The following NAV3 variants were observed in gnomAD, a reference collection of about 807,000 sequenced individuals.
NAV3 encodes the protein neuron navigator 3.
In NAV3, 87 loss-of-function variants were observed where a neutral mutation model predicts 244.7. The observed-to-expected ratio is 0.36, with a 90% CI of 0.30 to 0.42. The LOEUF is 0.42. Among genes scored for constraint, NAV3 ranks in the 20% least tolerant of loss-of-function variants. The probability of loss-of-function intolerance (pLI) is 1.00; values close to 1 mark genes in which losing one functional copy is unlikely to be tolerated. For missense variants in NAV3, 2,663 were observed against 2,893.3 expected (o/e 0.92, Z 1.83); for synonymous variants, 1,126 against 1,042.2 (o/e 1.08, Z -1.55).
intron 4 of NAV3, among the ~76,000 whole-genome samples, chr12:77,967,515 C>CAAGA (rs1350102229): frequency 6.6e-6 from 1 of 152,060 alleles, no homozygotes; most frequent in Non-Finnish European, 1.5e-5. Flanking sequence ...CATCAGAGAG[C>CAAGA]AAGAAATCCA....
intron 8 of NAV3, among the ~76,000 whole-genome samples, chr12:78,015,609 T>G (rs1876061058): frequency 6.6e-6 from 1 of 152,102 alleles, no homozygotes; most frequent in Non-Finnish European, 1.5e-5. Flanking sequence ...TGAATTTGAT[T>G]GCCTGATTAA....
At chr12:77,804,686 G>T (rs1871883137) in intron 2 of NAV3, among the ~76,000 whole-genome samples, 2 of 148,118 alleles carry the variant, frequency 1.4e-5, no homozygotes, top group African/African-American at 5.0e-5. Flanking sequence ...AATTTGAAGT[G>T]TTTTTTTTTT....
intron 39 of NAV3, among the ~76,000 whole-genome samples, chr12:78,206,854 C>CTTTTTT (rs10594185): frequency 8.6e-4 from 99 of 114,800 alleles, no homozygotes; most frequent in Non-Finnish European, 1.3e-3. Context: ...TTCTTTCTTA[C>CTTTTTT]TTTTTTTTTT....
intron 1 of NAV3, among the ~76,000 whole-genome samples, chr12:77,924,487 G>A (rs1057274260): frequency 1.1e-4 from 17 of 152,132 alleles, no homozygotes; most frequent in Non-Finnish European, 2.1e-4. Context: ...TCTCTCATGA[G>A]GGGTGGCAGT....
intron 26 of NAV3, among the ~76,000 whole-genome samples, chr12:78,176,895 C>T (rs532825494): frequency 1.3e-5 from 2 of 152,036 alleles, no homozygotes; most frequent in Middle Eastern, 3.2e-3. Context: ...ACAGCCATGC[C>T]CTTGACCTTG....
chr12:77,998,370 A>G lies in NAV3; in HGVS notation c.774A>G (p.Gly258=). ...GGCCCTCTAGGGTGCCTGCTGCAGG[A>G]AGCAGCAGCAAGGTCCAGGGAGCCT... is the stretch of plus-strand genomic sequence containing the variant. The part of the protein sequence containing the change: ...LPGPSRVPAA[G]SSSKVQGASN... Residue 258 remains glycine, a synonymous_variant, in exon 7 of 40, where the codon GGA becomes GGG. Transcript: ENST00000397909. The G allele has an allele frequency of 1.9e-6, 3 of 1,603,162 alleles. No homozygotes were observed. The highest frequency in any genetic ancestry group is 2.6e-6 in the Non-Finnish European group (3 of 1,174,802).
intron 34 of NAV3, among the ~76,000 whole-genome samples, 186 bp downstream of exon 34, chr12:78,190,405 T>C (rs1440053731): frequency 1.3e-5 from 2 of 152,002 alleles, no homozygotes; most frequent in African/African-American, 4.8e-5. Flanking sequence ...ACTACTATTT[T>C]CAGTAACATT....
intron 2 of NAV3, among the ~76,000 whole-genome samples, chr12:77,612,642 A>G (rs1273025416): frequency 6.6e-6 from 1 of 152,146 alleles, no homozygotes; most frequent in South Asian, 2.1e-4. Context: ...TAGAACAAGA[A>G]GATATTTTTC....
intron 17 of NAV3, 63 bp from the exon 18 acceptor site, chr12:78,128,643 C>T: frequency 6.6e-7 from 1 of 1,509,182 alleles, no homozygotes; most frequent in Non-Finnish European, 9.0e-7. Context: ...AATTGTTTTC[C>T]TGTCCTGGCA....
rs2138627466 is a variant in NAV3, at chr12:78,119,705, C to G, written c.3509C>G (p.Ser1170Cys). 2 of 1,614,208 alleles carry G rather than the reference C, an allele frequency of 1.2e-6. No homozygotes were observed. Among genetic ancestry groups the G allele is most frequent in the Non-Finnish European group, 1.7e-6 (2 of 1,180,040 alleles). Residue 1170 changes from serine to cysteine, a missense_variant, in exon 15 of 40, where the codon TCT becomes TGT. Around this residue, in one of 6 missense-constraint regions of NAV3, gnomAD observed 1,521 missense variants for 1,497.0 expected, o/e 1.02. Transcript: ENST00000397909. ...ATTGATTCCAACGTCAGCAGCAAGT[C>G]TGCTGGGGCCACCACCTCGAAACTG... is the stretch of plus-strand genomic sequence containing the variant. ...SSIDSNVSSK[S>C]AGATTSKLRE...
intron 2 of NAV3, among the ~76,000 whole-genome samples, chr12:77,691,228 T>A (rs1398826381): frequency 1.3e-5 from 2 of 149,904 alleles, no homozygotes; most frequent in African/African-American, 4.9e-5. Context: ...TGGAATTTTT[T>A]ACATACATTT....
chr12:77,736,806 A>G (rs1412981334), intron 2 of NAV3, among the ~76,000 whole-genome samples: 1 of 152,230 alleles, frequency 6.6e-6, no homozygotes, highest in Non-Finnish European at 1.5e-5. Flanking sequence ...AATGTTGGTT[A>G]TGCCCAACAA....
chr12:78,133,512 T>C (rs1956250184), intron 18 of NAV3, among the ~76,000 whole-genome samples: 1 of 151,784 alleles, frequency 6.6e-6, no homozygotes, highest in South Asian at 2.1e-4. Flanking sequence ...GAATTATTAT[T>C]AATGTTCAAA....
chr12:77,848,532 A>G (rs1159882960), intron 1 of NAV3, among the ~76,000 whole-genome samples: 1 of 152,208 alleles, frequency 6.6e-6, no homozygotes, highest in Non-Finnish European at 1.5e-5. Flanking sequence ...GCTCCCTTCT[A>G]TTGTATTCCA....
At chr12:78,169,655 T>G (rs896285370) in intron 24 of NAV3, among the ~76,000 whole-genome samples, 1 of 151,688 alleles carries the variant, frequency 6.6e-6, no homozygotes, top group East Asian at 1.9e-4. Context: ...CTGAGAAAAA[T>G]TTTATGAAGT....
At chr12:78,114,552 A>G (rs1955272800) in intron 12 of NAV3, among the ~76,000 whole-genome samples, 1 of 152,170 alleles carries the variant, frequency 6.6e-6, no homozygotes, top group Admixed American at 6.5e-5. Flanking sequence ...AAAAACCCTT[A>G]TAAAGTCATC....
At chr12:77,940,684 G>C (rs1889785358) in intron 2 of NAV3, among the ~76,000 whole-genome samples, 1 of 152,102 alleles carries the variant, frequency 6.6e-6, no homozygotes, top group African/African-American at 2.4e-5. Flanking sequence ...CATTTGAATC[G>C]AACTGTCAGA....
At chr12:77,673,716 A>G (rs560947082) in intron 2 of NAV3, among the ~76,000 whole-genome samples, 16 of 152,252 alleles carry the variant, frequency 1.1e-4, no homozygotes, top group African/African-American at 3.9e-4. Flanking sequence ...AGGAAGTTAC[A>G]TACCCTTCTC....
At chr12:77,886,506 A>G (rs1883304033) in intron 1 of NAV3, among the ~76,000 whole-genome samples, 1 of 152,172 alleles carries the variant, frequency 6.6e-6, no homozygotes, top group Non-Finnish European at 1.5e-5. Flanking sequence ...ATTTCAATTT[A>G]AAATTATAGC....
Sources: allele counts gnomAD v4.1 joint callset (sites outside exome capture counted in the v4.1 genomes callset), GRCh38; gene constraint gnomAD v4.1.1; regional missense constraint gnomAD v4.1.1; transcripts MANE v1.5; gene names NCBI Gene and HGNC (gene_info 2026-07-23, HGNC 2026-07-21).